AUTS2: variants seen among roughly 807,000 people sequenced by gnomAD.
AUTS2 encodes autism susceptibility gene 2 protein.
In AUTS2, 17 loss-of-function variants were observed where a neutral mutation model predicts 112.4. That is an observed-to-expected ratio of 0.15 (90% CI 0.10 to 0.23). AUTS2 has a LOEUF of 0.23. Ranked by LOEUF, AUTS2 falls within the 10% of genes least tolerant of loss-of-function variation. The probability of loss-of-function intolerance (pLI) is 1.00; values close to 1 mark genes in which losing one functional copy is unlikely to be tolerated. For missense variants in AUTS2, 1,510 were observed against 1,701.6 expected (o/e 0.89, Z 1.98); for synonymous variants, 751 against 702.7 (o/e 1.07, Z -1.09).
Position 70,741,958 on chromosome 7 carries a change from A to G in AUTS2, c.743-20912A>G, listed in dbSNP as rs374968412. On this transcript the variant is annotated intron_variant, in intron 6 of 18. Coordinates refer to ENST00000342771, the MANE Select transcript of AUTS2 (RefSeq NM_015570.4). ...TGGTTAATGTATTCCTGTGGGCTCC[A>G]GAATGCGGCTCAGTTTTCTCCATTC... is the stretch of plus-strand genomic sequence containing the variant. Among the ~76,000 whole-genome samples, 41 of 152,352 alleles carry G rather than the reference A, an allele frequency of 2.7e-4. 1 individual carries two copies. The South Asian group carries it at 7.9e-3, about 29-fold the overall frequency.
chr7:69,622,048 A>G (rs995590143), intron 1 of AUTS2, among the ~76,000 whole-genome samples: 2 of 152,228 alleles, frequency 1.3e-5, no homozygotes, highest in Non-Finnish European at 2.9e-5. Flanking sequence ...ACAAGAGGGT[A>G]GAAAGAACTG....
intron 1 of AUTS2, among the ~76,000 whole-genome samples, chr7:69,694,138 C>G (rs897783725): frequency 5.3e-5 from 8 of 152,118 alleles, no homozygotes; most frequent in African/African-American, 1.7e-4. Flanking sequence ...GTTGCTGGGG[C>G]AGTTAGGTGG....
intron 5 of AUTS2, among the ~76,000 whole-genome samples, chr7:70,439,478 G>A (rs1364595887): frequency 6.7e-6 from 1 of 149,682 alleles, no homozygotes; most frequent in African/African-American, 2.5e-5. Flanking sequence ...GGCGGAAGTT[G>A]CAGTGAGCCG....
intron 4 of AUTS2, among the ~76,000 whole-genome samples, chr7:70,134,873 C>T (rs1333715266): frequency 1.3e-5 from 2 of 152,114 alleles, no homozygotes; most frequent in Non-Finnish European, 2.9e-5. Flanking sequence ...ACCATTTCTC[C>T]ACAATTACTT....
chr7:70,490,152 GA>G (rs1360996672), intron 5 of AUTS2, among the ~76,000 whole-genome samples: 1 of 151,996 alleles, frequency 6.6e-6, no homozygotes, highest in Middle Eastern at 3.2e-3. Context: ...CCCAATGTGA[GA>G]AGGAAGGAAA....
At chr7:70,675,661 T>C (rs1807873412) in intron 5 of AUTS2, among the ~76,000 whole-genome samples, 1 of 152,136 alleles carries the variant, frequency 6.6e-6, no homozygotes, top group Non-Finnish European at 1.5e-5. Context: ...GTGACATGAA[T>C]GGCTGGGGAC....
intron 1 of AUTS2, among the ~76,000 whole-genome samples, chr7:69,828,228 G>T (rs1791340687): frequency 6.6e-6 from 1 of 152,200 alleles, no homozygotes; most frequent in Non-Finnish European, 1.5e-5. Context: ...ATGGGCTTAG[G>T]AAGGTCCAGG....
At chr7:69,806,365 G>A (rs148582869) in intron 1 of AUTS2, among the ~76,000 whole-genome samples, 1 of 152,114 alleles carries the variant, frequency 6.6e-6, no homozygotes, top group East Asian at 1.9e-4. Flanking sequence ...GCTTATTTGT[G>A]TTGAGTGCTT....
At chr7:70,316,546 C>T (rs916493441) in intron 4 of AUTS2, among the ~76,000 whole-genome samples, 11 of 151,812 alleles carry the variant, frequency 7.2e-5, no homozygotes, top group Non-Finnish European at 1.0e-4. Context: ...TGGGATTACC[C>T]GCCACCACAT....
At chr7:70,308,607 G>A (rs796211867) in intron 4 of AUTS2, among the ~76,000 whole-genome samples, 1 of 152,148 alleles carries the variant, frequency 6.6e-6, no homozygotes, top group African/African-American at 2.4e-5. Flanking sequence ...GTGAAGAGAA[G>A]AATTTAGCCT....
At chr7:70,557,197 C>T (rs1801284792) in intron 5 of AUTS2, among the ~76,000 whole-genome samples, 1 of 152,214 alleles carries the variant, frequency 6.6e-6, no homozygotes, top group Admixed American at 6.5e-5. Flanking sequence ...TTTAATGCCA[C>T]ATCTGGCTTT....
At chr7:70,663,212 T>G (rs1807162242) in intron 5 of AUTS2, among the ~76,000 whole-genome samples, 1 of 152,050 alleles carries the variant, frequency 6.6e-6, no homozygotes, top group African/African-American at 2.4e-5. Flanking sequence ...CTGGCCAACA[T>G]GATGAAACCC....
chr7:70,649,540 A>T (rs1045094782), intron 5 of AUTS2, among the ~76,000 whole-genome samples: 18 of 150,726 alleles, frequency 1.2e-4, no homozygotes, highest in African/African-American at 3.7e-4. Flanking sequence ...TTATTTATTT[A>T]TTTTTTGAGA....
At chr7:70,423,157 G>T (rs1057343437) in intron 4 of AUTS2, among the ~76,000 whole-genome samples, 2 of 152,104 alleles carry the variant, frequency 1.3e-5, no homozygotes, top group African/African-American at 4.8e-5. Flanking sequence ...AAAGGGTGGT[G>T]GTCTGTTGGA....
rs368634040 is a variant in AUTS2, at chr7:70,741,939, A to G, written c.743-20931A>G. 5.0e-4 allele frequency among the ~76,000 whole-genome samples: 76 copies of G among 152,314 alleles called. 1 individual carries two copies. The South Asian group carries it at 7.9e-3, about 16-fold the overall frequency. On this transcript the variant is annotated intron_variant, in intron 6 of 18. Transcript: ENST00000342771. ...AGGGATGCTTGAGGCTGTATGGTTA[A>G]TGTATTCCTGTGGGCTCCAGAATGC...
intron 1 of AUTS2, among the ~76,000 whole-genome samples, chr7:69,848,778 T>A: frequency 6.6e-6 from 1 of 152,218 alleles, no homozygotes; most frequent in Non-Finnish European, 1.5e-5. Context: ...AGATAAACTA[T>A]ACATCCAGCA....
At chr7:69,969,368 C>A (rs1316368890) in intron 2 of AUTS2, among the ~76,000 whole-genome samples, 3 of 152,110 alleles carry the variant, frequency 2.0e-5, no homozygotes, top group African/African-American at 7.2e-5. Flanking sequence ...TATGGCAAGG[C>A]ACAAGTGTAA....
At chr7:69,901,421 T>C (rs1271213046) in intron 2 of AUTS2, among the ~76,000 whole-genome samples, 1 of 152,218 alleles carries the variant, frequency 6.6e-6, no homozygotes, top group Non-Finnish European at 1.5e-5. Context: ...GAATTATTCT[T>C]TGTATTTCTT....
intron 1 of AUTS2, among the ~76,000 whole-genome samples, chr7:69,772,377 G>T (rs1219379058): frequency 4.6e-5 from 7 of 152,216 alleles, no homozygotes; most frequent in African/African-American, 7.2e-5. Flanking sequence ...TGCCAAGTAT[G>T]TTATAAACAA....
Sources: allele counts gnomAD v4.1 joint callset (sites outside exome capture counted in the v4.1 genomes callset), GRCh38; gene constraint gnomAD v4.1.1; transcripts MANE v1.5; gene names NCBI Gene and HGNC (gene_info 2026-07-23, HGNC 2026-07-21).